Variants in CBLB observed in about 807,000 individuals in gnomAD.
CBLB encodes the protein Cbl proto-oncogene B, also known as E3 ubiquitin-protein ligase CBL-B.
A neutral mutation model predicts 104.9 loss-of-function variants in CBLB; 31 were observed. The ratio of observed to expected loss-of-function variants is 0.30; its 90% CI spans 0.22 to 0.40. The LOEUF is 0.40. Among genes scored for constraint, CBLB ranks in the 10% least tolerant of loss-of-function variants. The pLI is 1.00. For synonymous variants in CBLB, 440 were observed against 422.6 expected, an observed-to-expected ratio of 1.04 and a Z score of -0.51; for missense variants, 1,062 against 1,214.6, an observed-to-expected ratio of 0.87 and a Z score of 1.87.
At chr3:105,665,440 T>TATATATATAC (rs1553700185) in intron 18 of CBLB, among the ~76,000 whole-genome samples, 1 of 70,864 alleles carries the variant, frequency 1.4e-5, no homozygotes. Flanking sequence ...TATATATATA[T>TATATATATAC]ATACACACAC....
chr3:105,662,839 C>T (rs2063918905), intron 18 of CBLB, among the ~76,000 whole-genome samples: 1 of 152,170 alleles, frequency 6.6e-6, no homozygotes, highest in Non-Finnish European at 1.5e-5. Flanking sequence ...CTTTTCTGAG[C>T]ATATAAAAGA....
chr3:105,658,462 AT>A lies in CBLB; in HGVS notation c.*507del, dbSNP rs138171571. On this transcript the variant is annotated 3_prime_UTR_variant, in exon 19 of 19. Transcript: ENST00000394030. Reference sequence around the variant, plus strand: ...TCAAAGCATCTTGTGAATGAGAGAAATGGAACTGGACCTGGGCAAGGCATGG... The same window carrying A: ...TCAAAGCATCTTGTGAATGAGAGAAAGGAACTGGACCTGGGCAAGGCATGG... 2.0e-3 allele frequency: 456 copies of A among 227,704 alleles called. 1 individual carries two copies. The highest frequency in any genetic ancestry group is 3.4e-3 in the Non-Finnish European group (386 of 114,450). 14.1% of individuals were successfully genotyped at this position (227,704 alleles called of 1,614,324 possible).
At chr3:105,766,264 G>A (rs1167514170) in intron 4 of CBLB, among the ~76,000 whole-genome samples, 1 of 152,120 alleles carries the variant, frequency 6.6e-6, no homozygotes, top group Non-Finnish European at 1.5e-5. Flanking sequence ...TTTCTTAAAT[G>A]TAATTTACTC....
At chr3:105,704,721 T>G (rs1477880586) in intron 10 of CBLB, among the ~76,000 whole-genome samples, 1 of 152,126 alleles carries the variant, frequency 6.6e-6, no homozygotes, top group African/African-American at 2.4e-5. Context: ...ATACTACACA[T>G]GGAAAAGATT....
intron 3 of CBLB, among the ~76,000 whole-genome samples, chr3:105,822,877 T>C (rs1186675789): frequency 2.6e-5 from 4 of 152,174 alleles, no homozygotes; most frequent in Non-Finnish European, 5.9e-5. Flanking sequence ...CAAACAAACA[T>C]AGTTGCTTCC....
At chr3:105,727,664 T>C (rs887813720) in intron 9 of CBLB, among the ~76,000 whole-genome samples, 1 of 152,224 alleles carries the variant, frequency 6.6e-6, no homozygotes, top group African/African-American at 2.4e-5. Context: ...TCTAGGGTTT[T>C]TACGGTTTTA....
At chr3:105,669,300 G>A (rs2064818286) in intron 18 of CBLB, among the ~76,000 whole-genome samples, 2 of 152,148 alleles carry the variant, frequency 1.3e-5, no homozygotes, top group African/African-American at 4.8e-5. Context: ...TCATGAAAGG[G>A]ATTAGTTTCC....
In CBLB at chr3:105,676,294, G is replaced by A. The variant is rs1407355010; in HGVS notation, c.2569+2137C>T. ...GTAATTTTTTTTAGCAATTAATCTT[G>A]AGGGGTTTCTTTATGAAGATTTTAT... On this transcript the variant is annotated intron_variant, in intron 17 of 18. Transcript: ENST00000394030. Among the ~76,000 whole-genome samples the A allele has an allele frequency of 2.0e-5, 3 of 152,080 alleles. No homozygotes were observed. In the East Asian group the frequency reaches 5.8e-4, roughly 29 times the overall value.
chr3:105,751,555 G>T lies in CBLB; in HGVS notation c.630C>A (p.Gly210=), dbSNP rs1046174382. 6.2e-7 allele frequency: 1 copy of T among 1,610,818 alleles called. No individual in the cohort carries two copies. The highest frequency in any genetic ancestry group is 8.5e-7 in the Non-Finnish European group (1 of 1,177,104). The part of the protein sequence containing the change: ...CLHEVHQISS[G]LEAMALKSTI... ...TTGATTTTAGAGCCATTGCTTCCAG[G>T]CCAGAGCTAATCTGGTGGACCTCAT... Residue 210 remains glycine, a synonymous_variant, in exon 5 of 19, where the codon GGC becomes GGA. Transcript: ENST00000394030.
intron 13 of CBLB, among the ~76,000 whole-genome samples, chr3:105,690,691 G>A (rs113049998): frequency 2.0e-3 from 299 of 152,026 alleles, no homozygotes; most frequent in Non-Finnish European, 3.0e-3. Context: ...GCATAGTGGC[G>A]GACGACTATA....
chr3:105,717,463 T>A (rs565658394), intron 10 of CBLB, among the ~76,000 whole-genome samples: 48 of 152,214 alleles, frequency 3.2e-4, no homozygotes, highest in Non-Finnish European at 4.1e-4. Flanking sequence ...GGACAAGATG[T>A]AAAATCAAGG....
intron 13 of CBLB, among the ~76,000 whole-genome samples, chr3:105,691,931 C>T (rs530323592): frequency 6.6e-6 from 1 of 152,288 alleles, no homozygotes; most frequent in South Asian, 2.1e-4. Context: ...TTCACAAAGT[C>T]TATAACAGCC....
Position 105,685,454 on chromosome 3 carries a change from C to G in CBLB, c.2067G>C (p.Pro689=), listed in dbSNP as rs34801525. 7 of 1,612,990 alleles carry G rather than the reference C, an allele frequency of 4.3e-6. No individual in the cohort carries two copies. The South Asian group carries it at 5.5e-5, about 13-fold the overall frequency. ...TLLPSIKCTG[P]LANSLSEKTR... is the part of the protein sequence containing the mutation. ...TTTTCTCTGAAAGAGAATTTGCTAA[C>G]GGACCAGTACACCTACCAGGGGAAA... Residue 689 remains proline (P), a synonymous_variant, in exon 14 of 19, where the codon CCG becomes CCC. Coordinates refer to ENST00000394030, the MANE Select transcript of CBLB (RefSeq NM_170662.5).
At chr3:105,693,412 T>C in intron 13 of CBLB, 82 bp downstream of exon 13, 2 of 776,702 alleles carry the variant, frequency 2.6e-6, no homozygotes, top group Non-Finnish European at 4.4e-6. Context: ...CATCATGTAG[T>C]GTCTGTACTG....
chr3:105,849,997 C>T (rs1172922846), intron 3 of CBLB, among the ~76,000 whole-genome samples: 1 of 152,130 alleles, frequency 6.6e-6, no homozygotes, highest in Non-Finnish European at 1.5e-5. Flanking sequence ...CTCTACCTTA[C>T]TTCTGTCACA....
intron 2 of CBLB, among the ~76,000 whole-genome samples, chr3:105,864,555 T>C (rs1294726403): frequency 1.3e-5 from 2 of 152,164 alleles, no homozygotes; most frequent in African/African-American, 4.8e-5. Flanking sequence ...AAATCTGTAA[T>C]GGGATGTTTT....
intron 3 of CBLB, among the ~76,000 whole-genome samples, chr3:105,809,059 A>T (rs1175255898): frequency 6.6e-6 from 1 of 152,222 alleles, no homozygotes; most frequent in Non-Finnish European, 1.5e-5. Context: ...GCACGCACCC[A>T]TCTGGGCAAC....
intron 9 of CBLB, among the ~76,000 whole-genome samples, chr3:105,732,899 T>C (rs982587717): frequency 6.6e-6 from 1 of 152,178 alleles, no homozygotes; most frequent in African/African-American, 2.4e-5. Flanking sequence ...CTAGAAAATT[T>C]AATTATTTGC....
chr3:105,726,290 CAG>C (rs1170830990), intron 9 of CBLB, among the ~76,000 whole-genome samples: 2 of 152,178 alleles, frequency 1.3e-5, no homozygotes, highest in Non-Finnish European at 2.9e-5. Context: ...ACATTAAAAT[CAG>C]AGTTTATTGA....
Sources: gnomAD v4.1 joint callset for allele counts (sites outside exome capture counted in the v4.1 genomes callset) on GRCh38, gnomAD v4.1.1 for gene constraint, MANE v1.5 for transcripts, NCBI Gene and HGNC (gene_info 2026-07-23, HGNC 2026-07-21) for gene names.